CLSTN2: variants seen among roughly 807,000 people sequenced by gnomAD.
CLSTN2 encodes the protein calsyntenin 2.
In CLSTN2, 48 loss-of-function variants were observed where a neutral mutation model predicts 101.2. That is an observed-to-expected ratio of 0.47 (90% CI 0.38 to 0.60). The LOEUF is 0.60. CLSTN2 is among the 20% of genes least tolerant of loss of function. CLSTN2 has a pLI of 0.00. For synonymous variants in CLSTN2, 481 were observed against 463.6 expected, an observed-to-expected ratio of 1.04 and a Z score of -0.48; for missense variants, 1,160 against 1,238.2, an observed-to-expected ratio of 0.94 and a Z score of 0.95.
chr3:140,376,934 C>G (rs546589964), intron 2 of CLSTN2, among the ~76,000 whole-genome samples: 16 of 152,030 alleles, frequency 1.1e-4, no homozygotes, highest in African/African-American at 3.4e-4. Flanking sequence ...ATAGGTACTC[C>G]CTTGTCTTTT....
At chr3:140,369,961 G>A (rs1018230976) in intron 2 of CLSTN2, among the ~76,000 whole-genome samples, 2 of 152,224 alleles carry the variant, frequency 1.3e-5, no homozygotes, top group East Asian at 3.9e-4. Context: ...TTACAATGGA[G>A]ACTAATTAGG....
At position 140,577,019 on chromosome 3, in the gene CLSTN2, C is replaced by T. The variant is rs1985751211; in HGVS notation, c.*10766C>T. ...AGAGGGTCAGAGAAAATGTCCTTTCCCCTCCCCACTCCTTTTCATAGAATC... is the reference window on the plus strand; with the variant it reads ...AGAGGGTCAGAGAAAATGTCCTTTCTCCTCCCCACTCCTTTTCATAGAATC... On this transcript the variant is annotated 3_prime_UTR_variant, in exon 17 of 17. Transcript: ENST00000458420. The T allele has an allele frequency of 6.6e-6, 1 of 152,118 alleles. No homozygotes were observed. Among genetic ancestry groups the T allele is most frequent in the South Asian group, 2.1e-4 (1 of 4,820 alleles). The allele number at this position is 152,118 out of a possible 1,614,324, so 9.4% of individuals were successfully genotyped here. A position where few individuals can be genotyped will look rare whatever the true frequency, so the allele number is the denominator to read the frequency against.
At chr3:140,042,113 A>T (rs1454869770) in intron 1 of CLSTN2, among the ~76,000 whole-genome samples, 1 of 152,228 alleles carries the variant, frequency 6.6e-6, no homozygotes, top group Non-Finnish European at 1.5e-5. Flanking sequence ...CCAAAATTTT[A>T]GAACATTTTC....
intron 1 of CLSTN2, among the ~76,000 whole-genome samples, chr3:139,943,163 C>A (rs2107807320): frequency 6.6e-6 from 1 of 152,288 alleles, no homozygotes; most frequent in Admixed American, 6.5e-5. Flanking sequence ...TACATTCACC[C>A]AAGCCAGAGC....
intron 1 of CLSTN2, among the ~76,000 whole-genome samples, chr3:139,953,596 G>A (rs1935330588): frequency 6.6e-6 from 1 of 152,114 alleles, no homozygotes; most frequent in African/African-American, 2.4e-5. Flanking sequence ...AATGCCTTTG[G>A]GAACTGTCCT....
At chr3:139,939,969 C>T (rs1935098224) in intron 1 of CLSTN2, among the ~76,000 whole-genome samples, 1 of 152,212 alleles carries the variant, frequency 6.6e-6, no homozygotes, top group South Asian at 2.1e-4. Flanking sequence ...AGGTCACCTT[C>T]CTCAGCCCAA....
chr3:140,125,461 A>G (rs745506715), intron 1 of CLSTN2, among the ~76,000 whole-genome samples: 1 of 152,128 alleles, frequency 6.6e-6, no homozygotes, highest in Non-Finnish European at 1.5e-5. Flanking sequence ...GGCAGAGTAC[A>G]TGAGAGCAGA....
intron 2 of CLSTN2, among the ~76,000 whole-genome samples, chr3:140,312,013 C>T (rs1160730669): frequency 6.6e-6 from 1 of 152,182 alleles, no homozygotes; most frequent in Non-Finnish European, 1.5e-5. Context: ...TGCAATTAAG[C>T]CTGGTTCTGT....
chr3:139,954,278 C>T (rs998823064), intron 1 of CLSTN2, among the ~76,000 whole-genome samples: 1 of 152,180 alleles, frequency 6.6e-6, no homozygotes, highest in Non-Finnish European at 1.5e-5. Context: ...GACTTGCTGG[C>T]CAGCTGTGAG....
chr3:140,419,446 G>A (rs2088468253), intron 4 of CLSTN2, among the ~76,000 whole-genome samples: 1 of 127,208 alleles, frequency 7.9e-6, no homozygotes. Flanking sequence ...TCATGCCACT[G>A]AACTCCAGCC....
chr3:140,030,353 AC>A (rs1187479474), intron 1 of CLSTN2, among the ~76,000 whole-genome samples: 1 of 151,834 alleles, frequency 6.6e-6, no homozygotes, highest in Non-Finnish European at 1.5e-5. Flanking sequence ...AGGATGGCTG[AC>A]CTCAAAGCCC....
intron 1 of CLSTN2, among the ~76,000 whole-genome samples, chr3:140,170,147 T>G (rs891967971): frequency 4.6e-5 from 7 of 152,196 alleles, no homozygotes; most frequent in East Asian, 1.9e-4. Flanking sequence ...AGCCATTTGA[T>G]GGAGTAAAAA....
At chr3:140,101,750 A>G (rs114319162) in intron 1 of CLSTN2, among the ~76,000 whole-genome samples, 58 of 152,294 alleles carry the variant, frequency 3.8e-4, no homozygotes, top group African/African-American at 1.4e-3. Flanking sequence ...GGCTGCTTCC[A>G]TCTTATAACT....
intron 1 of CLSTN2, among the ~76,000 whole-genome samples, chr3:140,006,853 A>T (rs2006969153): frequency 6.6e-6 from 1 of 152,182 alleles, no homozygotes; most frequent in Non-Finnish European, 1.5e-5. Context: ...AATGATTAGG[A>T]TGAAATGAGG....
chr3:140,390,452 T>C (rs777247155), intron 2 of CLSTN2, among the ~76,000 whole-genome samples: 39 of 152,352 alleles, frequency 2.6e-4, no homozygotes, highest in African/African-American at 7.7e-4. Context: ...ATTTCCATTG[T>C]GGTCAGAGAA....
intron 4 of CLSTN2, among the ~76,000 whole-genome samples, chr3:140,405,232 G>GGT (rs2088289872): frequency 9.0e-6 from 1 of 111,036 alleles, no homozygotes; most frequent in Non-Finnish European, 2.2e-5. Context: ...ATTCATTCAG[G>GGT]ATTTTTTTTT....
At chr3:140,458,692 AAATAAT>A (rs1437068879) in intron 6 of CLSTN2, among the ~76,000 whole-genome samples, 8 of 152,304 alleles carry the variant, frequency 5.3e-5, no homozygotes, top group Non-Finnish European at 1.0e-4. Flanking sequence ...GTAGCAGCAG[AAATAAT>A]AATAATGACA....
chr3:140,033,790 T>C (rs893682018), intron 1 of CLSTN2, among the ~76,000 whole-genome samples: 1 of 152,220 alleles, frequency 6.6e-6, no homozygotes, highest in Admixed American at 6.5e-5. Flanking sequence ...AAATTATACA[T>C]TTTTCTGGGG....
At chr3:140,131,602 G>A (rs2009524182) in intron 1 of CLSTN2, among the ~76,000 whole-genome samples, 1 of 152,102 alleles carries the variant, frequency 6.6e-6, no homozygotes, top group Non-Finnish European at 1.5e-5. Context: ...CTGATTTCTA[G>A]CCTGATTTTA....
Sources: gnomAD v4.1 joint callset for allele counts (sites outside exome capture counted in the v4.1 genomes callset) on GRCh38, gnomAD v4.1.1 for gene constraint, MANE v1.5 for transcripts, NCBI Gene and HGNC (gene_info 2026-07-23, HGNC 2026-07-21) for gene names.